Variants in COL21A1 observed in about 807,000 individuals in gnomAD.
COL21A1 encodes collagen type XXI alpha 1 chain.
A neutral mutation model predicts 137.9 loss-of-function variants in COL21A1; 149 were observed. That is an observed-to-expected ratio of 1.08 (90% CI 0.95 to 1.24). The LOEUF is 1.24. COL21A1 is among the 50% of genes most tolerant of loss of function. The probability of loss-of-function intolerance (pLI) is 0.00; values close to 1 mark genes in which losing one functional copy is unlikely to be tolerated. For synonymous variants in COL21A1, 456 were observed against 391.5 expected (o/e 1.16, Z -1.95); for missense variants, 1,167 against 1,158.4 (o/e 1.01, Z -0.11).
chr6:56,220,525 A>C (rs1458150022), intron 1 of COL21A1, among the ~76,000 whole-genome samples: 2 of 152,168 alleles, frequency 1.3e-5, no homozygotes, highest in Admixed American at 1.3e-4. Flanking sequence ...TGTTTTACGA[A>C]AACTTTATGT....
intron 1 of COL21A1, among the ~76,000 whole-genome samples, chr6:56,272,124 G>C (rs1194338774): frequency 6.6e-6 from 1 of 152,178 alleles, no homozygotes; most frequent in Non-Finnish European, 1.5e-5. Context: ...TCAGAGAAAG[G>C]TAGATCCACT....
chr6:56,066,324 A>G (rs1484653015), intron 23 of COL21A1, among the ~76,000 whole-genome samples: 2 of 151,968 alleles, frequency 1.3e-5, no homozygotes, highest in Non-Finnish European at 2.9e-5. Flanking sequence ...ATTAATAGGA[A>G]CTGTTATAAT....
At chr6:56,129,567 A>T (rs1243175802) in intron 12 of COL21A1, among the ~76,000 whole-genome samples, 1 of 152,126 alleles carries the variant, frequency 6.6e-6, no homozygotes, top group Non-Finnish European at 1.5e-5. Context: ...TTTCCAGTCT[A>T]AAAGGAATCA....
chr6:56,278,264 G>A (rs899912167), intron 1 of COL21A1, among the ~76,000 whole-genome samples: 12 of 152,232 alleles, frequency 7.9e-5, no homozygotes, highest in Non-Finnish European at 1.0e-4. Flanking sequence ...ATGGTGGGAT[G>A]TTTAAACAAC....
chr6:56,340,299 A>G (rs2038142), intron 1 of COL21A1, among the ~76,000 whole-genome samples: 100,697 of 151,834 alleles, frequency 0.66, 33,613 homozygotes, highest in South Asian at 0.81. Context: ...AGATCATGGG[A>G]CTGAAATGAG....
At chr6:56,077,922 A>C (rs758144347) in intron 17 of COL21A1, 28 of 368,332 alleles carry the variant, frequency 7.6e-5, no homozygotes, top group Non-Finnish European at 1.2e-4. Context: ...AAAATCTGTT[A>C]AATGATATAA....
chr6:56,059,998 T>C lies in COL21A1; in HGVS notation c.2608+20A>G. The C allele has an allele frequency of 6.4e-7, 1 of 1,556,014 alleles. No homozygotes were observed. Among genetic ancestry groups the C allele is most frequent in the East Asian group, 2.3e-5 (1 of 42,862 alleles). ...AAAGACTTTTTAAAATTCATTTTCT[T>C]GTTGAAACTAACTGCATACCTTTTA... is the stretch of plus-strand genomic sequence containing the variant. On this transcript the variant is annotated intron_variant, in intron 28 of 29. Transcript: ENST00000244728.
chr6:56,276,807 G>GGGT (rs1554174888), intron 1 of COL21A1: 4 of 909,086 alleles, frequency 4.4e-6, no homozygotes, highest in Admixed American at 2.2e-5. Context: ...TGTTTTTTTT[G>GGGT]TTTTTTTTGT....
At chr6:56,302,122 C>A (rs560260847) in intron 1 of COL21A1, among the ~76,000 whole-genome samples, 3 of 151,780 alleles carry the variant, frequency 2.0e-5, no homozygotes, top group African/African-American at 7.2e-5. Context: ...TTAATCCAGT[C>A]TATCATTGAT....
intron 1 of COL21A1, among the ~76,000 whole-genome samples, chr6:56,239,171 T>A (rs939430593): frequency 6.6e-6 from 1 of 152,226 alleles, no homozygotes; most frequent in African/African-American, 2.4e-5. Flanking sequence ...TTTCTGCTTT[T>A]TAGAAATAAT....
intron 1 of COL21A1, among the ~76,000 whole-genome samples, chr6:56,211,565 C>T (rs1780178963): frequency 6.6e-6 from 1 of 151,972 alleles, no homozygotes; most frequent in Admixed American, 6.6e-5. Flanking sequence ...TTATTTACCT[C>T]AATTCAAAAC....
intron 1 of COL21A1, among the ~76,000 whole-genome samples, chr6:56,339,371 C>T (rs1021595994): frequency 2.3e-5 from 2 of 86,488 alleles, no homozygotes; most frequent in African/African-American, 7.4e-5. Flanking sequence ...CCTACAGTGT[C>T]TGAAAGTAGT....
At chr6:56,313,473 G>C (rs1366470715) in intron 1 of COL21A1, among the ~76,000 whole-genome samples, 1 of 152,132 alleles carries the variant, frequency 6.6e-6, no homozygotes, top group African/African-American at 2.4e-5. Flanking sequence ...GCATGGTTGG[G>C]TTCTGGTAAG....
intron 10 of COL21A1, among the ~76,000 whole-genome samples, chr6:56,144,510 A>G (rs1229319715): frequency 6.6e-6 from 1 of 152,238 alleles, no homozygotes; most frequent in Non-Finnish European, 1.5e-5. Context: ...TTCACATTTA[A>G]TGAATTATTT....
intron 17 of COL21A1, among the ~76,000 whole-genome samples, chr6:56,083,998 A>G (rs2114166086): frequency 6.6e-6 from 1 of 152,126 alleles, no homozygotes; most frequent in African/African-American, 2.4e-5. Context: ...AAAATTTATC[A>G]TGCAATATTT....
intron 12 of COL21A1, among the ~76,000 whole-genome samples, chr6:56,134,366 A>G (rs1044988504): frequency 2.0e-5 from 3 of 152,074 alleles, no homozygotes; most frequent in African/African-American, 7.3e-5. Context: ...TCGGAATGGG[A>G]GTATTTATCC....
At chr6:56,363,694 T>C (rs939715052) in intron 1 of COL21A1, among the ~76,000 whole-genome samples, 7 of 152,238 alleles carry the variant, frequency 4.6e-5, no homozygotes, top group African/African-American at 7.2e-5. Flanking sequence ...GGAGATCTTA[T>C]ACTGAACAGG....
chr6:56,060,267 G>A, intron 27 of COL21A1, 49 bp from the exon 28 acceptor site: 2 of 1,403,010 alleles, frequency 1.4e-6, no homozygotes, highest in South Asian at 2.7e-5. Context: ...TGGTGAGTTG[G>A]TGTTAATTAT....
intron 1 of COL21A1, among the ~76,000 whole-genome samples, chr6:56,208,777 C>T (rs1369763747): frequency 1.3e-5 from 2 of 152,130 alleles, no homozygotes; most frequent in Non-Finnish European, 2.9e-5. Context: ...TCAAATTATA[C>T]TACAAGGCTA....
Sources: allele counts gnomAD v4.1 joint callset (sites outside exome capture counted in the v4.1 genomes callset), GRCh38; gene constraint gnomAD v4.1.1; transcripts MANE v1.5; gene names NCBI Gene and HGNC (gene_info 2026-07-23, HGNC 2026-07-21).